GABRA1: variants seen among roughly 807,000 people sequenced by gnomAD.
The protein encoded by GABRA1 is gamma-aminobutyric acid receptor subunit alpha-1.
In GABRA1, 9 loss-of-function variants were observed where a neutral mutation model predicts 48.9. The ratio of observed to expected loss-of-function variants is 0.18; its 90% CI spans 0.11 to 0.32. GABRA1 has a LOEUF of 0.32. Ranked by LOEUF, GABRA1 falls within the 10% of genes least tolerant of loss-of-function variation. The pLI, the probability that GABRA1 is intolerant of heterozygous loss-of-function variation, is 1.00. For synonymous variants in GABRA1, 210 were observed against 198.7 expected, an observed-to-expected ratio of 1.06 and a Z score of -0.48; for missense variants, 285 against 553.8, an observed-to-expected ratio of 0.51 and a Z score of 4.87.
At chr5:161,896,707 C>T (rs1755384758) in intron 9 of GABRA1, among the ~76,000 whole-genome samples, 1 of 152,184 alleles carries the variant, frequency 6.6e-6, no homozygotes, top group African/African-American at 2.4e-5. Context: ...TTAAGATACT[C>T]TCTGAAAATT....
At chr5:161,855,658 T>C (rs1231789290) in intron 3 of GABRA1, among the ~76,000 whole-genome samples, 3 of 151,328 alleles carry the variant, frequency 2.0e-5, no homozygotes, top group Non-Finnish European at 4.4e-5. Context: ...TTTTTTTTAA[T>C]TTATAAAATT....
In GABRA1 at chr5:161,850,810, G is replaced by A. The variant is rs376266596; in HGVS notation, c.-1G>A. On this transcript the variant is annotated 5_prime_UTR_variant, in exon 2 of 10. Transcript: ENST00000393943. ...CTACTTTTCAGCTGCTCCAGCCCGC[G>A]ATGAGGAAAAGTCCAGGTCTGTCTG... is the stretch of plus-strand genomic sequence containing the variant. 2.6e-5 allele frequency: 42 copies of A among 1,614,016 alleles called. No individual in the cohort carries two copies. The highest frequency in any genetic ancestry group is 5.0e-5 in the Admixed American group (3 of 60,006).
intron 5 of GABRA1, 51 bp downstream of exon 5, chr5:161,873,388 T>C: frequency 7.1e-7 from 1 of 1,417,610 alleles, no homozygotes; most frequent in Non-Finnish European, 1.0e-6. Context: ...TTCATTCCCT[T>C]CCACTTGTAG....
intron 3 of GABRA1, among the ~76,000 whole-genome samples, chr5:161,864,309 C>T (rs1303052068): frequency 1.3e-5 from 2 of 152,056 alleles, no homozygotes; most frequent in African/African-American, 4.8e-5. Context: ...CCCACTAACT[C>T]ATCATCTAGC....
At chr5:161,881,385 T>C (rs1461064936) in intron 6 of GABRA1, among the ~76,000 whole-genome samples, 1 of 152,136 alleles carries the variant, frequency 6.6e-6, no homozygotes, top group Non-Finnish European at 1.5e-5. Context: ...TCTTTCTCTC[T>C]CACTCTATGC....
Position 161,897,250 on chromosome 5 carries a change from T to G in GABRA1, c.1199T>G (p.Val400Gly). Residue 400 changes from valine (V) to glycine (G), a missense_variant, in exon 10 of 10, where the codon GTC (valine) becomes GGC (glycine). Coordinates refer to ENST00000393943, the MANE Select transcript of GABRA1 (RefSeq NM_001127644.2). ...AKSATIEPKEVKPETKPPEPK... is the reference protein window; with the variant it reads ...AKSATIEPKEGKPETKPPEPK... ...AGTGCAACCATAGAACCTAAAGAGG[T>G]CAAGCCCGAAACAAAACCACCAGAA... 6.2e-7 allele frequency: 1 copy of G among 1,613,770 alleles called. No individual in the cohort carries two copies. The highest frequency in any genetic ancestry group is 8.5e-7 in the Non-Finnish European group (1 of 1,179,932).
chr5:161,872,280 T>A (rs1477539049), intron 4 of GABRA1: 1 of 152,630 alleles, frequency 6.6e-6, no homozygotes, highest in Non-Finnish European at 1.5e-5. Flanking sequence ...AGCTGGTAAG[T>A]CACATTGCTT....
chr5:161,881,219 C>T (rs962882494), intron 6 of GABRA1, among the ~76,000 whole-genome samples: 1 of 152,120 alleles, frequency 6.6e-6, no homozygotes. Context: ...CTCAAAAACA[C>T]TGGAAACAGC....
intron 4 of GABRA1, among the ~76,000 whole-genome samples, chr5:161,871,360 C>A (rs1754114335): frequency 6.6e-6 from 1 of 152,108 alleles, no homozygotes; most frequent in East Asian, 1.9e-4. Flanking sequence ...AATCTAAAGT[C>A]ATTCAGTTGG....
At chr5:161,868,071 G>A (rs570565054) in intron 4 of GABRA1, among the ~76,000 whole-genome samples, 2 of 151,910 alleles carry the variant, frequency 1.3e-5, no homozygotes, top group South Asian at 4.2e-4. Context: ...GGTCTTGTGG[G>A]ACCTAATAAG....
chr5:161,881,568 G>A (rs1754614789), intron 6 of GABRA1, among the ~76,000 whole-genome samples: 1 of 152,120 alleles, frequency 6.6e-6, no homozygotes. Context: ...TAGAAAAGAG[G>A]AGAGTAAACT....
chr5:161,859,183 C>G (rs955657453), intron 3 of GABRA1, among the ~76,000 whole-genome samples: 1 of 151,680 alleles, frequency 6.6e-6, no homozygotes, highest in Non-Finnish European at 1.5e-5. Flanking sequence ...GTAACTGGAG[C>G]TGTCTCTGAA....
chr5:161,886,021 T>G (rs75155323), intron 7 of GABRA1, among the ~76,000 whole-genome samples: 1 of 152,280 alleles, frequency 6.6e-6, no homozygotes, highest in Non-Finnish European at 1.5e-5. Context: ...ATTCTTCAGA[T>G]CTAATACTCA....
At chr5:161,866,593 A>G (rs1753864027) in intron 4 of GABRA1, among the ~76,000 whole-genome samples, 1 of 152,154 alleles carries the variant, frequency 6.6e-6, no homozygotes, top group Non-Finnish European at 1.5e-5. Flanking sequence ...ATTTCAAAAT[A>G]GCTCACAGAG....
intron 8 of GABRA1, among the ~76,000 whole-genome samples, chr5:161,893,077 T>C (rs1755193632): frequency 6.7e-6 from 1 of 150,148 alleles, no homozygotes. Flanking sequence ...ATTTATGTTT[T>C]ATTTTATTTT....
chr5:161,866,208 A>G (rs1263699669), intron 4 of GABRA1, among the ~76,000 whole-genome samples: 2 of 152,196 alleles, frequency 1.3e-5, no homozygotes, highest in East Asian at 3.9e-4. Context: ...ACTAAAAACT[A>G]AAAGGAAATG....
intron 5 of GABRA1, 70 bp downstream of exon 5, chr5:161,873,407 C>A: frequency 8.2e-7 from 1 of 1,216,240 alleles, no homozygotes; most frequent in Non-Finnish European, 1.2e-6. Context: ...AGGCAATCAT[C>A]AGGCTGATGA....
intron 7 of GABRA1, among the ~76,000 whole-genome samples, chr5:161,889,104 A>G (rs1346263396): frequency 2.6e-5 from 4 of 152,092 alleles, no homozygotes; most frequent in African/African-American, 9.7e-5. Context: ...GTAAGTGTTT[A>G]GTAAAGGGCA....
chr5:161,891,144 ACACT>A, intron 8 of GABRA1, 94 bp downstream of exon 8: 1 of 1,137,480 alleles, frequency 8.8e-7, no homozygotes, highest in South Asian at 1.3e-5. Flanking sequence ...AAAAAAATAT[ACACT>A]CAAATATTAA....
Sources: allele counts gnomAD v4.1 joint callset (sites outside exome capture counted in the v4.1 genomes callset), GRCh38; gene constraint gnomAD v4.1.1; transcripts MANE v1.5; gene names NCBI Gene and HGNC (gene_info 2026-07-23, HGNC 2026-07-21).